The following PCDHA11 variants were observed in gnomAD, a reference collection of about 807,000 sequenced individuals.
PCDHA11 encodes protocadherin alpha-11.
PCDHA11 carries 61 observed loss-of-function variants against 70.3 expected under a neutral mutation model. The ratio of observed to expected loss-of-function variants is 0.87; its 90% CI spans 0.71 to 1.07. The LOEUF (loss-of-function observed/expected upper bound fraction) is 1.07, where lower values mean the gene tolerates loss of function less well. PCDHA11 is among the 50% of genes least tolerant of loss of function. The probability of loss-of-function intolerance (pLI) is 0.00; values close to 1 mark genes in which losing one functional copy is unlikely to be tolerated. For synonymous variants in PCDHA11, 633 were observed against 555.1 expected (o/e 1.14, Z -1.97); for missense variants, 1,324 against 1,237.5 (o/e 1.07, Z -1.05).
chr5:140,924,978 T>A (rs2082232142), intron 1 of PCDHA11, among the ~76,000 whole-genome samples: 1 of 151,330 alleles, frequency 6.6e-6, no homozygotes, highest in Non-Finnish European at 1.5e-5. Flanking sequence ...CAGTGGCTCA[T>A]GTCTGTAATC....
chr5:140,939,466 AT>A (rs1364092543), intron 1 of PCDHA11, among the ~76,000 whole-genome samples: 31 of 152,168 alleles, frequency 2.0e-4, no homozygotes, highest in African/African-American at 7.5e-4. Flanking sequence ...TAGGCCTAGA[AT>A]TCTCTTCATG....
Position 140,941,322 on chromosome 5 carries a change from T to C in PCDHA11, c.2392-37627T>C, listed in dbSNP as rs1340835610. Among the ~76,000 whole-genome samples the C allele has an allele frequency of 3.4e-5, 5 of 145,550 alleles. No individual in the cohort carries two copies. The East Asian group carries it at 6.0e-4, about 17-fold the overall frequency. The stretch of plus-strand genomic sequence containing the variant: ...TTTCTTTCTTTTTCTTCTTTCTCTT[T>C]TTTTTTTTTTTTCAGATGGAGTCTT... On this transcript the variant is annotated intron_variant, in intron 1 of 3. Coordinates refer to ENST00000398640, the MANE Select transcript of PCDHA11 (RefSeq NM_018902.5).
chr5:140,953,602 CCA>C (rs1246265860), intron 1 of PCDHA11, among the ~76,000 whole-genome samples: 3 of 152,040 alleles, frequency 2.0e-5, no homozygotes, highest in Admixed American at 6.6e-5. Context: ...TGTTTATTCC[CCA>C]GAGTCCTTAG....
rs1563650230 is a variant in PCDHA11, at chr5:141,000,393, C to CTA, written c.2540-9233_2540-9232insAT. Among the ~76,000 whole-genome samples, 150 of 52,842 alleles carry CTA rather than the reference C, an allele frequency of 2.8e-3. 1 individual carries two copies. The highest frequency in any genetic ancestry group is 4.0e-3 in the Non-Finnish European group (125 of 31,360). 34.7% of individuals were successfully genotyped at this position (52,842 alleles called of 152,430 possible). A position where few individuals can be genotyped will look rare whatever the true frequency, so the allele number is the denominator to read the frequency against. On this transcript the variant is annotated intron_variant, in intron 3 of 3. Coordinates refer to ENST00000398640, the MANE Select transcript of PCDHA11 (RefSeq NM_018902.5). ...TCTCTCTCTCTCTCTCTCTCTCTCT[C>CTA]TCTATATATATATATATATATATAT... is the stretch of plus-strand genomic sequence containing the variant.
intron 1 of PCDHA11, among the ~76,000 whole-genome samples, chr5:140,890,258 A>G (rs2062565845): frequency 6.6e-6 from 1 of 152,030 alleles, no homozygotes; most frequent in East Asian, 1.9e-4. Flanking sequence ...ACTGCACCTG[A>G]TTGCAAGCAA....
chr5:140,927,127 G>C (rs1202029150), intron 1 of PCDHA11: 1 of 1,613,964 alleles, frequency 6.2e-7, no homozygotes, highest in Non-Finnish European at 8.5e-7. Context: ...GGTGGTCAGA[G>C]AGCCGGCGGA....
Position 141,010,322 on chromosome 5 carries a change from C to G in PCDHA11, c.*385C>G. 6.5e-7 allele frequency: 1 copy of G among 1,540,986 alleles called. No homozygotes were observed. The highest frequency in any genetic ancestry group is 8.7e-7 in the Non-Finnish European group (1 of 1,143,174). Reference sequence around the variant, plus strand: ...GCTGAAAAGTTTTGAGATTGAGCAGCTTGGGAGTTTGTGGCCACTGGGTAT... The same window carrying G: ...GCTGAAAAGTTTTGAGATTGAGCAGGTTGGGAGTTTGTGGCCACTGGGTAT... On this transcript the variant is annotated 3_prime_UTR_variant, in exon 4 of 4. Transcript: ENST00000398640.
intron 1 of PCDHA11, chr5:140,875,619 T>G (rs369772491): frequency 7.7e-5 from 125 of 1,613,602 alleles, no homozygotes; most frequent in African/African-American, 7.5e-4. Flanking sequence ...GCCGCATCGC[T>G]CAGGACCTGG....
chr5:140,989,538 T>G (rs1254500205), intron 3 of PCDHA11, among the ~76,000 whole-genome samples: 3 of 152,180 alleles, frequency 2.0e-5, no homozygotes, highest in Non-Finnish European at 4.4e-5. Flanking sequence ...GAAGATAGTT[T>G]GTAATTCCTT....
intron 1 of PCDHA11, among the ~76,000 whole-genome samples, chr5:140,973,451 G>A (rs1317548382): frequency 2.0e-5 from 3 of 152,172 alleles, no homozygotes; most frequent in African/African-American, 7.2e-5. Context: ...TATAATGACT[G>A]GGGCTGTTTT....
chr5:140,916,060 C>G (rs1554197265), intron 1 of PCDHA11, among the ~76,000 whole-genome samples: 1 of 152,174 alleles, frequency 6.6e-6, no homozygotes, highest in Non-Finnish European at 1.5e-5. Flanking sequence ...GGTGCCTCTC[C>G]CTGTGGCCAG....
chr5:140,975,630 G>A (rs182087841), intron 1 of PCDHA11, among the ~76,000 whole-genome samples: 16 of 152,316 alleles, frequency 1.1e-4, no homozygotes, highest in Admixed American at 3.3e-4. Flanking sequence ...TCCATGGTAC[G>A]AAGATAGCAT....
At chr5:140,922,385 C>A (rs1267053151) in intron 1 of PCDHA11, among the ~76,000 whole-genome samples, 5 of 152,156 alleles carry the variant, frequency 3.3e-5, no homozygotes, top group Non-Finnish European at 7.4e-5. Context: ...AAACCAAAGA[C>A]TCCTTGTTTT....
chr5:140,917,323 G>C (rs1363512198), intron 1 of PCDHA11, among the ~76,000 whole-genome samples: 1 of 147,758 alleles, frequency 6.8e-6, no homozygotes, highest in African/African-American at 2.5e-5. Context: ...TGTTCATGTG[G>C]CGGGGGAGGG....
chr5:140,879,564 A>G (rs1232052888), intron 1 of PCDHA11, among the ~76,000 whole-genome samples: 2 of 152,254 alleles, frequency 1.3e-5, no homozygotes, highest in Non-Finnish European at 1.5e-5. Context: ...CCATGAAAGA[A>G]TAAAATTGCC....
intron 1 of PCDHA11, among the ~76,000 whole-genome samples, chr5:140,880,113 C>T (rs957295411): frequency 4.6e-5 from 7 of 152,220 alleles, no homozygotes; most frequent in Admixed American, 3.3e-4. Context: ...GAAGGATAGA[C>T]AACAGGAAGC....
At chr5:140,908,185 G>C (rs1399259532) in intron 1 of PCDHA11, among the ~76,000 whole-genome samples, 1 of 152,148 alleles carries the variant, frequency 6.6e-6, no homozygotes, top group East Asian at 1.9e-4. Flanking sequence ...TCCACTTTCA[G>C]GTGGTGGACA....
At chr5:140,897,518 T>A (rs2066160092) in intron 1 of PCDHA11, among the ~76,000 whole-genome samples, 2 of 152,260 alleles carry the variant, frequency 1.3e-5, no homozygotes, top group Admixed American at 1.3e-4. Context: ...GGACATGAAC[T>A]CATCATTTTT....
At chr5:140,928,065 T>G in intron 1 of PCDHA11, 20 of 1,614,198 alleles carry the variant, frequency 1.2e-5, no homozygotes, top group Non-Finnish European at 1.6e-5. Context: ...CGGCTTCCTT[T>G]GACAACTACT....
Sources: gnomAD v4.1 joint callset for allele counts (sites outside exome capture counted in the v4.1 genomes callset) on GRCh38, gnomAD v4.1.1 for gene constraint, MANE v1.5 for transcripts, NCBI Gene and HGNC (gene_info 2026-07-23, HGNC 2026-07-21) for gene names.